The following ACTR3C variants were observed in gnomAD, a reference collection of about 807,000 sequenced individuals.
The protein encoded by ACTR3C is actin-related protein 3C.
A neutral mutation model predicts 26.3 loss-of-function variants in ACTR3C; 18 were observed. That is an observed-to-expected ratio of 0.68 (90% CI 0.47 to 1.01). ACTR3C has a LOEUF of 1.01. ACTR3C is among the 50% of genes least tolerant of loss of function. The probability of loss-of-function intolerance (pLI) is 0.00; values close to 1 mark genes in which losing one functional copy is unlikely to be tolerated. For missense variants in ACTR3C, 184 were observed against 250.7 expected, an observed-to-expected ratio of 0.73 and a Z score of 1.80; for synonymous variants, 55 against 94.5, an observed-to-expected ratio of 0.58 and a Z score of 2.42.
At chr7:149,909,153 C>T in the ACTR3C span, among the ~76,000 whole-genome samples, 3 of 151,496 alleles carry the variant, frequency 2.0e-5, no homozygotes, top group Non-Finnish European at 4.4e-5. Context: ...GAGTAGAACG[C>T]CCCATGCCAA....
At chr7:149,886,343 G>A in the ACTR3C span, among the ~76,000 whole-genome samples, 4 of 152,194 alleles carry the variant, frequency 2.6e-5, no homozygotes, top group Non-Finnish European at 5.9e-5. Context: ...CCTGTCGAAT[G>A]TCTTTAATGT....
the ACTR3C span, among the ~76,000 whole-genome samples, chr7:150,184,593 C>G: frequency 6.7e-6 from 1 of 150,360 alleles, no homozygotes; most frequent in African/African-American, 2.5e-5. Context: ...AGGACAGCAT[C>G]CTAGAGAGAT....
chr7:149,957,104 T>C, the ACTR3C span, among the ~76,000 whole-genome samples: 14 of 152,336 alleles, frequency 9.2e-5, no homozygotes, highest in South Asian at 2.9e-3. Context: ...CCAGCATGAA[T>C]AGCGCATGGA....
rs1412165616 is a variant in ACTR3C, at chr7:150,248,959, G to A, written c.*27C>T. On this transcript the variant is annotated 3_prime_UTR_variant, in exon 7 of 8. Coordinates refer to ENST00000683684, the MANE Select transcript of ACTR3C (RefSeq NM_001164458.2). Reference sequence around the variant, plus strand: ...AATCATGAGAATACCTCAAATAAAAGGCTACGCATGGGCTCAATATATCAT... The same window carrying A: ...AATCATGAGAATACCTCAAATAAAAAGCTACGCATGGGCTCAATATATCAT... 1 of 594,546 alleles carries A rather than the reference G, an allele frequency of 1.7e-6. No homozygotes were observed. Among genetic ancestry groups the A allele is most frequent in the Non-Finnish European group, 3.0e-6 (1 of 330,912 alleles). The allele number at this position is 594,546 out of a possible 1,614,324, so 36.8% of individuals were successfully genotyped here.
At chr7:150,087,201 A>AAAAAAG in the ACTR3C span, among the ~76,000 whole-genome samples, 1 of 140,382 alleles carries the variant, frequency 7.1e-6, no homozygotes, top group Non-Finnish European at 1.6e-5. Flanking sequence ...AAAAAAAAAA[A>AAAAAAG]AAAGAAACTT....
At chr7:150,010,473 A>T in the ACTR3C span, among the ~76,000 whole-genome samples, 1 of 152,134 alleles carries the variant, frequency 6.6e-6, no homozygotes, top group Non-Finnish European at 1.5e-5. Flanking sequence ...AGGCAGGTGG[A>T]TCATGAGGTC....
At chr7:150,175,823 AAAAAAAAAAAAAG>A in the ACTR3C span, among the ~76,000 whole-genome samples, 1 of 149,112 alleles carries the variant, frequency 6.7e-6, no homozygotes, top group South Asian at 2.1e-4. Flanking sequence ...AACAAAAAAA[AAAAAAAAAAAAAG>A]AAAGAAAGGA....
At chr7:150,322,658 G>A (rs960052949) in intron 1 of ACTR3C, 5 of 152,162 alleles carry the variant, frequency 3.3e-5, no homozygotes, top group Non-Finnish European at 5.9e-5. Flanking sequence ...CCAAAAAATG[G>A]GTAACCAGTA....
chr7:150,214,872 A>T, the ACTR3C span, among the ~76,000 whole-genome samples: 4 of 152,032 alleles, frequency 2.6e-5, no homozygotes, highest in African/African-American at 9.7e-5. Context: ...TCATTCTAGA[A>T]CTCAGTGGAA....
At chr7:150,027,231 T>G in the ACTR3C span, among the ~76,000 whole-genome samples, 4 of 152,160 alleles carry the variant, frequency 2.6e-5, no homozygotes, top group Non-Finnish European at 4.4e-5. Context: ...CAGTCCACAA[T>G]TACCTGATAC....
intron 5 of ACTR3C, among the ~76,000 whole-genome samples, chr7:150,285,534 G>A (rs1425418200): frequency 2.6e-5 from 4 of 152,308 alleles, no homozygotes; most frequent in South Asian, 2.1e-4. Flanking sequence ...CTGGACATTT[G>A]ACTGTTCTAT....
intron 6 of ACTR3C, among the ~76,000 whole-genome samples, chr7:150,250,773 G>C (rs1832797640): frequency 6.6e-6 from 1 of 151,918 alleles, no homozygotes; most frequent in Non-Finnish European, 1.5e-5. Context: ...GACTGCGGGA[G>C]AGCAAGTGGG....
At chr7:150,247,075 C>T (rs539899220), downstream of ACTR3C, 2 of 152,324 alleles carry the variant, frequency 1.3e-5, no homozygotes, top group South Asian at 2.1e-4. Flanking sequence ...GGATTACAGG[C>T]GTGAGCCACC....
chr7:149,904,948 C>T, the ACTR3C span, among the ~76,000 whole-genome samples: 10 of 151,852 alleles, frequency 6.6e-5, no homozygotes, highest in East Asian at 1.9e-3. Context: ...ATCATTTGAA[C>T]CTGGGAGGCG....
intron 6 of ACTR3C, among the ~76,000 whole-genome samples, chr7:150,256,321 T>A (rs1404344865): frequency 6.6e-6 from 1 of 152,274 alleles, no homozygotes; most frequent in Non-Finnish European, 1.5e-5. Context: ...ATGGTAGTTC[T>A]GTTTTAAGTT....
At chr7:150,280,201 C>T (rs1156881967) in intron 6 of ACTR3C, among the ~76,000 whole-genome samples, 3 of 152,140 alleles carry the variant, frequency 2.0e-5, no homozygotes, top group Non-Finnish European at 4.4e-5. Flanking sequence ...ACATCAGAAT[C>T]TCCCAGGGTG....
At chr7:150,224,814 C>A in the ACTR3C span, among the ~76,000 whole-genome samples, 1 of 152,186 alleles carries the variant, frequency 6.6e-6, no homozygotes, top group Non-Finnish European at 1.5e-5. Context: ...TTCTGCTCCA[C>A]GGGAGACCTG....
the ACTR3C span, among the ~76,000 whole-genome samples, chr7:150,115,011 G>C: frequency 6.6e-6 from 1 of 152,116 alleles, no homozygotes; most frequent in Non-Finnish European, 1.5e-5. Flanking sequence ...GAGAGATACA[G>C]AAAGTTCATT....
chr7:150,225,670 G>T, the ACTR3C span, among the ~76,000 whole-genome samples: 1 of 152,198 alleles, frequency 6.6e-6, no homozygotes, highest in African/African-American at 2.4e-5. Context: ...TCCCTCTTCA[G>T]TGAGGTTGTG....
Sources: gnomAD v4.1 joint callset for allele counts (sites outside exome capture counted in the v4.1 genomes callset) on GRCh38, gnomAD v4.1.1 for gene constraint, MANE v1.5 for transcripts, NCBI Gene and HGNC (gene_info 2026-07-23, HGNC 2026-07-21) for gene names.